The following MROH2A variants were observed in gnomAD, a reference collection of about 807,000 sequenced individuals.
The protein encoded by MROH2A is maestro heat like repeat family member 2A.
In MROH2A, 174 loss-of-function variants were observed where a neutral mutation model predicts 200.4. That is an observed-to-expected ratio of 0.87 (90% confidence interval 0.77 to 0.98). The LOEUF is 0.98. Among genes scored for constraint, MROH2A ranks in the 50% least tolerant of loss-of-function variants. MROH2A has a pLI of 0.00. For synonymous variants in MROH2A, 829 were observed against 840.4 expected, an observed-to-expected ratio of 0.99 and a Z score of 0.23; for missense variants, 2,045 against 2,139.6, an observed-to-expected ratio of 0.96 and a Z score of 0.87.
At position 233,833,212 on chromosome 2, in the gene MROH2A, A is replaced by G; in HGVS notation, c.4978A>G (p.Ser1660Gly). The G allele has an allele frequency of 6.4e-7, 1 of 1,550,414 alleles. No individual in the cohort carries two copies. Among genetic ancestry groups the G allele is most frequent in the Non-Finnish European group, 8.7e-7 (1 of 1,146,946 alleles). The change falls in exon 42 of 42, where the codon AGC becomes GGC. Residue 1660 changes from serine to glycine, a missense_variant. Coordinates refer to ENST00000389758, the MANE Select transcript of MROH2A (RefSeq NM_001394639.1). The part of the protein sequence containing the change: ...AALETLTVLD[S>G]CSQHGFLASP... ...CCTGGAGACGCTCACAGTCTTGGAT[A>G]GCTGTAGTCAGCATGGGTTTCTGGC... is the stretch of plus-strand genomic sequence containing the variant.
intron 35 of MROH2A, among the ~76,000 whole-genome samples, chr2:233,824,604 C>T (rs1020756928): frequency 8.5e-5 from 13 of 152,224 alleles, no homozygotes; most frequent in Non-Finnish European, 1.6e-4. Flanking sequence ...TAAGAGCCTC[C>T]GCTCAGTTGC....
chr2:233,823,087 C>T lies in MROH2A; in HGVS notation c.4004+69C>T, dbSNP rs985067404. The T allele has an allele frequency of 2.0e-5, 30 of 1,496,792 alleles. No individual in the cohort carries two copies. The Admixed American group carries it at 2.2e-4, about 11-fold the overall frequency. 92.7% of individuals were successfully genotyped at this position (1,496,792 alleles called of 1,614,324 possible). A position where few individuals can be genotyped will look rare whatever the true frequency, so the allele number is the denominator to read the frequency against. Reference sequence around the variant, plus strand: ...CACCTCCTTGCTGGATGGAAGGGCTCCTTGTGAGGACATGGTCCAGTCATG... The same window carrying T: ...CACCTCCTTGCTGGATGGAAGGGCTTCTTGTGAGGACATGGTCCAGTCATG... On this transcript the variant is annotated intron_variant, in intron 34 of 41. Coordinates refer to ENST00000389758, the MANE Select transcript of MROH2A (RefSeq NM_001394639.1).
chr2:233,832,581 A>C lies in MROH2A; in HGVS notation c.4840A>C (p.Ile1614Leu), dbSNP rs758337278. 1.6e-5 allele frequency: 24 copies of C among 1,547,932 alleles called. No individual in the cohort carries two copies. In the East Asian group the frequency reaches 5.9e-4, roughly 38 times the overall value. ...IRIAACNLAG[I>L]IMKQMSTHYL... ...CATTTCTTTGGCTATTGTTTTAGGAATTATTATGAAGCAGATGTCTACACA... is the reference window on the plus strand; with the variant it reads ...CATTTCTTTGGCTATTGTTTTAGGACTTATTATGAAGCAGATGTCTACACA... Residue 1614 changes from isoleucine (I) to leucine (L), a missense_variant and splice_region_variant, in exon 41 of 42, where the codon ATT (isoleucine) becomes CTT (leucine). Transcript: ENST00000389758.
intron 13 of MROH2A, 132 bp downstream of exon 13, chr2:233,800,031 C>A: frequency 7.9e-7 from 1 of 1,266,390 alleles, no homozygotes; most frequent in Non-Finnish European, 1.1e-6. Flanking sequence ...AGTTCATAGA[C>A]ACAGTGAACC....
intron 14 of MROH2A, among the ~76,000 whole-genome samples, chr2:233,801,800 C>A (rs1322838727): frequency 6.6e-6 from 1 of 152,204 alleles, no homozygotes; most frequent in Admixed American, 6.5e-5. Context: ...TCATACCAGG[C>A]ATGCACAACT....
At chr2:233,830,122 C>T (rs1440094342) in intron 38 of MROH2A, among the ~76,000 whole-genome samples, 1 of 152,204 alleles carries the variant, frequency 6.6e-6, no homozygotes. Flanking sequence ...ACTCAAAATA[C>T]CCCAAAGTGG....
At chr2:233,819,780 G>A (rs28626554) in intron 30 of MROH2A, 122 bp from the exon 31 acceptor site, 38,632 of 1,120,964 alleles carry the variant, frequency 0.034, 1,496 homozygotes, top group African/African-American at 0.17. Flanking sequence ...AGGGTGCTGG[G>A]CGCTTAACCT....
chr2:233,811,845 A>G (rs1703176223), intron 23 of MROH2A, 35 bp from the exon 24 acceptor site: 2 of 1,475,866 alleles, frequency 1.4e-6, no homozygotes, highest in South Asian at 1.2e-5. Context: ...CATCATGGTC[A>G]CCAAAAGCCA....
intron 14 of MROH2A, among the ~76,000 whole-genome samples, 176 bp downstream of exon 14, chr2:233,800,491 T>C (rs911657720): frequency 2.0e-5 from 3 of 152,268 alleles, no homozygotes; most frequent in African/African-American, 7.2e-5. Flanking sequence ...AGCCAGGTCC[T>C]TGATGAGAAC....
chr2:233,818,028 C>T lies in MROH2A; in HGVS notation c.2988C>T (p.Gly996=), dbSNP rs2124835834. The T allele has an allele frequency of 4.5e-6, 7 of 1,551,002 alleles. No homozygotes were observed. In the South Asian group the frequency reaches 7.1e-5, roughly 16 times the overall value. The change falls in exon 28 of 42, where the codon GGC becomes GGT. Residue 996 remains glycine (G), a synonymous_variant. Transcript: ENST00000389758. ...TCCACCTAAAGCTGGGGCAGTTTGG[C>T]ACAATGGTCGGACTCATTGCCCCGT... is the stretch of plus-strand genomic sequence containing the variant. ...VCIHLKLGQF[G]TMVGLIAPCT...
intron 30 of MROH2A, 133 bp from the exon 31 acceptor site, chr2:233,819,769 G>T: frequency 1.0e-6 from 1 of 996,276 alleles, no homozygotes; most frequent in African/African-American, 1.6e-5. Context: ...ATGCACTAGA[G>T]AGGGTGCTGG....
intron 22 of MROH2A, among the ~76,000 whole-genome samples, chr2:233,810,584 G>C (rs1054877481): frequency 9.8e-5 from 15 of 152,328 alleles, no homozygotes; most frequent in African/African-American, 3.6e-4. Context: ...ACCTCACCTC[G>C]TATCCCCGCC....
Position 233,805,123 on chromosome 2 carries a change from T to C in MROH2A, c.2052+12T>C, listed in dbSNP as rs1264117062. On this transcript the variant is annotated intron_variant, in intron 19 of 41. Coordinates refer to ENST00000389758, the MANE Select transcript of MROH2A (RefSeq NM_001394639.1). Reference sequence around the variant, plus strand: ...CCTCTCTGGAGAAGGTTTGTCTTCATAGGGACAGGAGAGTTTGGACAAGGA... The same window carrying C: ...CCTCTCTGGAGAAGGTTTGTCTTCACAGGGACAGGAGAGTTTGGACAAGGA... 5.2e-6 allele frequency: 8 copies of C among 1,532,032 alleles called. No individual in the cohort carries two copies. The East Asian group carries it at 1.2e-4, about 24-fold the overall frequency. 94.9% of individuals were successfully genotyped at this position (1,532,032 alleles called of 1,614,324 possible). A position where few individuals can be genotyped will look rare whatever the true frequency, so the allele number is the denominator to read the frequency against.
rs1052226911 is a variant in MROH2A, at chr2:233,807,642, A to G, written c.2173-91A>G. The G allele has an allele frequency of 7.1e-6, 11 of 1,542,482 alleles. No individual in the cohort carries two copies. The Admixed American group carries it at 7.9e-5, about 11-fold the overall frequency. Reference sequence around the variant, plus strand: ...GCATGCGTTTTGTGTGTGTGTGTGTACATGTGTGTGTGCCTTGCACGTGTG... The same window carrying G: ...GCATGCGTTTTGTGTGTGTGTGTGTGCATGTGTGTGTGCCTTGCACGTGTG... On this transcript the variant is annotated intron_variant, in intron 20 of 41. Transcript: ENST00000389758. The surrounding 1 kb of genome is among the most constrained non-coding windows in gnomAD (Gnocchi z 4.3).
chr2:233,822,523 C>A lies in MROH2A; in HGVS notation c.3833C>A (p.Thr1278Asn), dbSNP rs887421613. 3 of 1,550,356 alleles carry A rather than the reference C, an allele frequency of 1.9e-6. No individual in the cohort carries two copies. The highest frequency in any genetic ancestry group is 1.7e-6 in the Non-Finnish European group (2 of 1,147,048). The change falls in exon 33 of 42, where the codon ACC (threonine) becomes AAC (asparagine). Residue 1278 changes from threonine (T) to asparagine (N), a missense_variant. Thr to Asn is a moderately conservative substitution (Grantham distance 65). Around this residue, in one of 3 missense-constraint regions of MROH2A, gnomAD observed 1,201 missense variants for 1,311.3 expected, o/e 0.92. Coordinates refer to ENST00000389758, the MANE Select transcript of MROH2A (RefSeq NM_001394639.1). ...PVLKMWKLVHTTPLPEEMNLQ... is the reference protein window; with the variant it reads ...PVLKMWKLVHNTPLPEEMNLQ... ...TTGAAGATGTGGAAGCTGGTCCACA[C>A]CACTCCTCTGCCGGAGGAGATGAAC...
At position 233,828,243 on chromosome 2, in the gene MROH2A, T is replaced by C. The variant is rs1173152548; in HGVS notation, c.4114-387T>C. On this transcript the variant is annotated intron_variant, in intron 35 of 41. Transcript: ENST00000389758. The surrounding 1 kb of genome is among the most constrained non-coding windows in gnomAD (Gnocchi z 4.6). The stretch of plus-strand genomic sequence containing the variant: ...TGCACCCACACGCATACCAGTGAGG[T>C]TTTGGCACTCAGAATACTAGGCCAT... Among the ~76,000 whole-genome samples, 1 of 151,942 alleles carries C rather than the reference T, an allele frequency of 6.6e-6. No homozygotes were observed. Among genetic ancestry groups the C allele is most frequent in the Non-Finnish European group, 1.5e-5 (1 of 67,986 alleles).
At chr2:233,815,724 C>T (rs1703472713) in intron 26 of MROH2A, among the ~76,000 whole-genome samples, 2 of 152,136 alleles carry the variant, frequency 1.3e-5, no homozygotes, top group Non-Finnish European at 2.9e-5. Context: ...TATTTCTGGA[C>T]ACTTATTTGG....
chr2:233,802,277 A>G lies in MROH2A; in HGVS notation c.1670A>G (p.Gln557Arg). The G allele has an allele frequency of 6.4e-7, 1 of 1,550,508 alleles. No homozygotes were observed. Among genetic ancestry groups the G allele is most frequent in the East Asian group, 2.4e-5 (1 of 40,894 alleles). ...CTGGCAGAACACCAGCTCCATGGCC[A>G]GGATGTGGATGTCAGCGTGGCTGGC... Reference protein sequence around the residue: ...TNLAEHQLHGQDVDVSVAGKS... With the variant: ...TNLAEHQLHGRDVDVSVAGKS... Residue 557 changes from glutamine (Q) to arginine (R), a missense_variant, in exon 15 of 42, where the codon CAG becomes CGG. Transcript: ENST00000389758.
intron 11 of MROH2A, among the ~76,000 whole-genome samples, chr2:233,797,458 T>C (rs1702187533): frequency 6.6e-6 from 1 of 152,262 alleles, no homozygotes; most frequent in South Asian, 2.1e-4. Flanking sequence ...TGGAATATTA[T>C]GCAGCTATTA....
Sources: gnomAD v4.1 joint callset for allele counts (sites outside exome capture counted in the v4.1 genomes callset) on GRCh38, gnomAD v4.1.1 for gene constraint, gnomAD v4.1.1 regional missense constraint, Gnocchi (gnomAD v3.1) non-coding constraint, MANE v1.5 for transcripts, NCBI Gene and HGNC (gene_info 2026-07-23, HGNC 2026-07-21) for gene names.